Variants in ZNF845 observed in about 807,000 individuals in gnomAD.
The protein encoded by ZNF845 is zinc finger protein 845.
Under a neutral mutation model 76.1 loss-of-function variants are expected in ZNF845, and 59 were observed. The ratio of observed to expected loss-of-function variants is 0.78; its 90% CI spans 0.63 to 0.96. The LOEUF (loss-of-function observed/expected upper bound fraction) is 0.96. Among genes scored for constraint, ZNF845 ranks in the 40% least tolerant of loss-of-function variants. ZNF845 has a pLI of 0.00. For missense variants in ZNF845, 1,045 were observed against 1,172.8 expected, an observed-to-expected ratio of 0.89 and a Z score of 1.59; for synonymous variants, 361 against 386.9, an observed-to-expected ratio of 0.93 and a Z score of 0.78.
At chr19:53,338,276 C>T (rs2085230079) in intron 1 of ZNF845, among the ~76,000 whole-genome samples, 1 of 152,172 alleles carries the variant, frequency 6.6e-6, no homozygotes. Context: ...GGTCAGAAAG[C>T]CCTACAGACC....
chr19:53,351,206 C>T lies in ZNF845; in HGVS notation c.531C>T (p.Ser177=), dbSNP rs2085332100. 3.1e-6 allele frequency: 5 copies of T among 1,614,066 alleles called. No homozygotes were observed. The highest frequency in any genetic ancestry group is 1.7e-5 in the Admixed American group (1 of 60,002). ...SINSASLVST[S]QRISCRPKTH... is the part of the protein sequence containing the mutation. Reference sequence around the variant, plus strand: ...ACAGTGCTTCGTTGGTTTCAACATCCCAAAGAATTTCTTGTAGGCCTAAAA... The same window carrying T: ...ACAGTGCTTCGTTGGTTTCAACATCTCAAAGAATTTCTTGTAGGCCTAAAA... Residue 177 remains serine, a synonymous_variant, in exon 4 of 4, where the codon TCC becomes TCT. Coordinates refer to ENST00000458035, the MANE Select transcript of ZNF845 (RefSeq NM_138374.3).
At chr19:53,334,438 C>T (rs3207649) in intron 1 of ZNF845, among the ~76,000 whole-genome samples, 8 of 151,604 alleles carry the variant, frequency 5.3e-5, no homozygotes, top group African/African-American at 1.9e-4. Context: ...TAACAGATGG[C>T]AAAGTAGAGG....
intron 1 of ZNF845, chr19:53,337,268 A>C (rs762882690): frequency 2.3e-6 from 1 of 427,574 alleles, no homozygotes; most frequent in Admixed American, 2.4e-5. Context: ...AGGCTCAGAG[A>C]TGTCTCCCAT....
intron 3 of ZNF845, among the ~76,000 whole-genome samples, chr19:53,348,054 G>T (rs2085308900): frequency 6.6e-6 from 1 of 152,184 alleles, no homozygotes; most frequent in Non-Finnish European, 1.5e-5. Flanking sequence ...GCTGGGCATG[G>T]TGGCGGGCAC....
intron 1 of ZNF845, among the ~76,000 whole-genome samples, chr19:53,336,446 G>C (rs1316305176): frequency 6.6e-6 from 1 of 152,080 alleles, no homozygotes; most frequent in African/African-American, 2.4e-5. Context: ...GGAGGTAGAG[G>C]TTGCAGTGAA....
chr19:53,334,495 A>G (rs1413861259), intron 1 of ZNF845, among the ~76,000 whole-genome samples: 1 of 152,116 alleles, frequency 6.6e-6, no homozygotes, highest in Non-Finnish European at 1.5e-5. Flanking sequence ...AAAAAACAAA[A>G]CAAAACAAAA....
intron 1 of ZNF845, among the ~76,000 whole-genome samples, chr19:53,336,633 C>CTTTTTTTTTTTTTTTTTTTTTTT (rs398035035): frequency 2.2e-5 from 2 of 92,444 alleles, no homozygotes; most frequent in East Asian, 3.4e-4. Flanking sequence ...TTCTTTCTTT[C>CTTTTTTTTTTTTTTTTTTTTTTT]TTTTTTTTTT....
At chr19:53,340,711 T>A (rs1423760266) in intron 1 of ZNF845, 1 of 280,202 alleles carries the variant, frequency 3.6e-6, no homozygotes, top group East Asian at 6.2e-5. Context: ...TTAAAAATTC[T>A]TTGGAGGTGT....
chr19:53,354,370 G>T lies in ZNF845; in HGVS notation c.*782G>T. ...TTCAAGCATTAATTGACATTAAAGT[G>T]TTTATGTTAAGAAGATTGGGCCAGG... On this transcript the variant is annotated 3_prime_UTR_variant, in exon 4 of 4. Coordinates refer to ENST00000458035, the MANE Select transcript of ZNF845 (RefSeq NM_138374.3). 1 of 325,992 alleles carries T rather than the reference G, an allele frequency of 3.1e-6. No individual in the cohort carries two copies. 20.2% of individuals were successfully genotyped at this position (325,992 alleles called of 1,614,324 possible).
At position 53,351,778 on chromosome 19, in the gene ZNF845, C is replaced by G. The variant is rs749061884; in HGVS notation, c.1103C>G (p.Ser368Ter). The stretch of plus-strand genomic sequence containing the variant: ...TGTGACAAAGCTTTCAGTTTCAAAT[C>G]AAACCTTGAAAGACATAGGAAAATT... ...EECDKAFSFK[S>*]NLERHRKIHT... Residue 368 changes from serine (S) to a stop codon, truncating the protein, a stop_gained, in exon 4 of 4, where the codon TCA becomes TGA. Transcript: ENST00000458035. LOFTEE classifies it high-confidence loss of function. 6.2e-7 allele frequency: 1 copy of G among 1,613,906 alleles called. No homozygotes were observed. Among genetic ancestry groups the G allele is most frequent in the Non-Finnish European group, 8.5e-7 (1 of 1,179,962 alleles).
At chr19:53,341,486 C>G (rs2085256773) in intron 2 of ZNF845, among the ~76,000 whole-genome samples, 164 bp downstream of exon 2, 1 of 152,074 alleles carries the variant, frequency 6.6e-6, no homozygotes, top group Non-Finnish European at 1.5e-5. Flanking sequence ...GATTCCATCT[C>G]TTGTGACACA....
In ZNF845 at chr19:53,353,741, G is replaced by GA. The variant is rs2085363911; in HGVS notation, c.*153_*154insA. On this transcript the variant is annotated 3_prime_UTR_variant, in exon 4 of 4. Transcript: ENST00000458035. ...GGCCCAACAAACTAGAAGTCACACT[G>GA]GAGAGAAACCTTACAAGTGTACTGA... The GA allele has an allele frequency of 1.2e-5, 18 of 1,525,920 alleles. No individual in the cohort carries two copies. The highest frequency in any genetic ancestry group is 1.4e-5 in the Non-Finnish European group (16 of 1,141,428). 94.5% of individuals were successfully genotyped at this position (1,525,920 alleles called of 1,614,324 possible).
In ZNF845 at chr19:53,353,349, TGTG is replaced by T. The variant is rs781062052; in HGVS notation, c.2677_2679del (p.Gly893del). On this transcript the variant is annotated inframe_deletion, in exon 4 of 4. Coordinates refer to ENST00000458035, the MANE Select transcript of ZNF845 (RefSeq NM_138374.3). ...AGAGAAACCTTACAAGTGTAATAAA[TGTG>T]GTAAGGTTTTTAATCAACAAGCACA... The T allele has an allele frequency of 1.9e-6, 3 of 1,613,370 alleles. No homozygotes were observed. Among genetic ancestry groups the T allele is most frequent in the South Asian group, 1.1e-5 (1 of 91,050 alleles).
rs113229413 is a variant in ZNF845, at chr19:53,353,783, A to G, written c.*195A>G. 6.6e-7 allele frequency: 1 copy of G among 1,513,944 alleles called. No homozygotes were observed. The highest frequency in any genetic ancestry group is 2.3e-5 in the Admixed American group (1 of 43,854). 93.8% of individuals were successfully genotyped at this position (1,513,944 alleles called of 1,614,324 possible). A position where few individuals can be genotyped will look rare whatever the true frequency, so the allele number is the denominator to read the frequency against. On this transcript the variant is annotated 3_prime_UTR_variant, in exon 4 of 4. Coordinates refer to ENST00000458035, the MANE Select transcript of ZNF845 (RefSeq NM_138374.3). ...GTGTACTGAGTGTGGCAAAGCCTTTAGTGGGCAGTCAACACTTATTCACCA... is the reference window on the plus strand; with the variant it reads ...GTGTACTGAGTGTGGCAAAGCCTTTGGTGGGCAGTCAACACTTATTCACCA...
At position 53,352,659 on chromosome 19, in the gene ZNF845, C is replaced by G. The variant is rs777518707; in HGVS notation, c.1984C>G (p.Pro662Ala). ...TAGGAGAATTCATACTGGAGAGAAA[C>G]CTTACAGGTGTAATGAATGTGGCAA... ...RHRRIHTGEK[P>A]YRCNECGKTF... Residue 662 changes from proline (P) to alanine (A), a missense_variant, in exon 4 of 4, where the codon CCT becomes GCT. Pro to Ala is a conservative substitution (Grantham distance 27). Transcript: ENST00000458035. 3.3e-5 allele frequency: 54 copies of G among 1,613,634 alleles called. No individual in the cohort carries two copies. The Middle Eastern group carries it at 9.9e-4, about 30-fold the overall frequency.
At position 53,333,759 on chromosome 19, in the gene ZNF845, G is replaced by A. The variant is rs1448497924; in HGVS notation, c.-107G>A. 1 of 160,096 alleles carries A rather than the reference G, an allele frequency of 6.2e-6. No individual in the cohort carries two copies. The highest frequency in any genetic ancestry group is 1.4e-5 in the Non-Finnish European group (1 of 72,780). The allele number at this position is 160,096 out of a possible 1,614,324, so 9.9% of individuals were successfully genotyped here. On this transcript the variant is annotated 5_prime_UTR_variant, in exon 1 of 4. Coordinates refer to ENST00000458035, the MANE Select transcript of ZNF845 (RefSeq NM_138374.3). Reference sequence around the variant, plus strand: ...CGCGCAGATTCGCGCAAACCCGGAAGCGGATCGCATGGAGTGATGGTCCCA... The same window carrying A: ...CGCGCAGATTCGCGCAAACCCGGAAACGGATCGCATGGAGTGATGGTCCCA...
intron 2 of ZNF845, among the ~76,000 whole-genome samples, chr19:53,342,501 G>A (rs1223774549): frequency 6.6e-6 from 1 of 152,164 alleles, no homozygotes; most frequent in Non-Finnish European, 1.5e-5. Flanking sequence ...AAGGAAAGCT[G>A]CAGCTTAGAC....
chr19:53,352,490 A>C lies in ZNF845; in HGVS notation c.1815A>C (p.Arg605Ser). 6.2e-7 allele frequency: 1 copy of C among 1,612,112 alleles called. No homozygotes were observed. The highest frequency in any genetic ancestry group is 8.5e-7 in the Non-Finnish European group (1 of 1,178,948). The stretch of plus-strand genomic sequence containing the variant: ...ATTGGAGAATCCATAATGAAGAGAG[A>C]TCGTACAAGTGTAATAGATGTGGCA... ...ANHWRIHNEERSYKCNRCGKF... is the reference protein window; with the variant it reads ...ANHWRIHNEESSYKCNRCGKF... The change falls in exon 4 of 4, where the codon AGA (arginine) becomes AGC (serine). Residue 605 changes from arginine (R) to serine (S), a missense_variant. Physicochemically the swap from Arg to Ser is moderately radical, Grantham distance 110 (BLOSUM62 -1). Transcript: ENST00000458035.
chr19:53,341,328 A>G lies in ZNF845; in HGVS notation c.15+6A>G, dbSNP rs761363570. 19 of 1,613,678 alleles carry G rather than the reference A, an allele frequency of 1.2e-5. No individual in the cohort carries two copies. Among genetic ancestry groups the G allele is most frequent in the Non-Finnish European group, 1.5e-5 (18 of 1,179,900 alleles). On this transcript the variant is annotated splice_donor_region_variant and intron_variant, in intron 2 of 3. Transcript: ENST00000458035. ...CAGGGATGGCTCTTTCTCAGGTGAGATGATATGTTGGGTGGATTGTTCTGT... is the reference window on the plus strand; with the variant it reads ...CAGGGATGGCTCTTTCTCAGGTGAGGTGATATGTTGGGTGGATTGTTCTGT...
Sources: allele counts gnomAD v4.1 joint callset (sites outside exome capture counted in the v4.1 genomes callset), GRCh38; gene constraint gnomAD v4.1.1; transcripts MANE v1.5; gene names NCBI Gene and HGNC (gene_info 2026-07-23, HGNC 2026-07-21).